SPATA24: variants seen among roughly 807,000 people sequenced by gnomAD.
The protein encoded by SPATA24 is spermatogenesis-associated protein 24.
Under a neutral mutation model 28.9 loss-of-function variants are expected in SPATA24, and 21 were observed. That is an observed-to-expected ratio of 0.73 (90% CI 0.52 to 1.05). The LOEUF (loss-of-function observed/expected upper bound fraction) is 1.05. SPATA24 is among the 50% of genes least tolerant of loss of function. The pLI is 0.00. For missense variants in SPATA24, 215 were observed against 242.9 expected (o/e 0.88, Z 0.76); for synonymous variants, 76 against 89.9 (o/e 0.85, Z 0.88).
downstream of SPATA24, chr5:139,392,859 C>G: frequency 6.5e-7 from 1 of 1,543,004 alleles, no homozygotes; most frequent in Non-Finnish European, 8.7e-7. This position sits in a 1 kb window ranked among gnomAD's most constrained non-coding sequence, Gnocchi z 5.8. Flanking sequence ...GCCGGCGACC[C>G]AAGGCCAGGG....
At chr5:139,396,289 T>C (rs983395968), downstream of SPATA24, 6 of 985,306 alleles carry the variant, frequency 6.1e-6, no homozygotes, top group Non-Finnish European at 7.2e-6. Context: ...CTTGTGCAAA[T>C]TGAGGTCCCT....
intron 4 of SPATA24, among the ~76,000 whole-genome samples, chr5:139,398,776 C>T (rs1241459302): frequency 6.9e-6 from 1 of 144,922 alleles, no homozygotes; most frequent in Admixed American, 6.9e-5. Flanking sequence ...GTAATCCCAG[C>T]ACTTTGGGAG....
At position 139,401,742 on chromosome 5, in the gene SPATA24, GCCTCCCGCC is replaced by G; in HGVS notation, c.385+4_385+12del. On this transcript the variant is annotated splice_donor_5th_base_variant and intron_variant, in intron 4 of 5. Coordinates refer to ENST00000450845, the MANE Select transcript of SPATA24 (RefSeq NM_194296.2). ...TATATAACCGTGGTGGAGAGCACGG[GCCTCCCGCC>G]TACCATTGCACTTGGTGATGAGCTG... The G allele has an allele frequency of 6.4e-7, 1 of 1,551,522 alleles. No homozygotes were observed. Among genetic ancestry groups the G allele is most frequent in the Non-Finnish European group, 8.7e-7 (1 of 1,146,868 alleles).
chr5:139,392,591 C>T, downstream of SPATA24: 1 of 1,365,300 alleles, frequency 7.3e-7, no homozygotes. This position sits in a 1 kb window ranked among gnomAD's most constrained non-coding sequence, Gnocchi z 5.8. Flanking sequence ...GGCGCCTGGA[C>T]GGCAGCCGCG....
rs183526939 is a variant in SPATA24 at position 139,396,865 on chromosome 5, G to C, written c.553C>G (p.Gln185Glu). Residue 185 changes from glutamine (Q) to glutamate (E), a missense_variant, in exon 6 of 6, where the codon CAG (glutamine) becomes GAG (glutamate). By Grantham distance (29) the Gln-to-Glu change is conservative (BLOSUM62 2). Transcript: ENST00000450845. ...QESYMAQVLD[Q>E]KHKKASGTRQ... ...GTCCCTGAGGCTTTCTTATGCTTCT[G>C]GTCCAGCACCTGGGCCATGTAGCTC... The C allele has an allele frequency of 6.4e-7, 1 of 1,551,720 alleles. No homozygotes were observed. The highest frequency in any genetic ancestry group is 1.2e-5 in the South Asian group (1 of 84,066).
At chr5:139,401,438 C>T in intron 4 of SPATA24, 1 of 607,388 alleles carries the variant, frequency 1.6e-6, no homozygotes, top group Admixed American at 2.9e-5. Context: ...CTGTGTTCCT[C>T]TTGTATCAGT....
intron 1 of SPATA24, 112 bp from the exon 2 acceptor site, chr5:139,402,805 G>A: frequency 2.6e-6 from 2 of 771,774 alleles, no homozygotes; most frequent in Non-Finnish European, 4.4e-6. Flanking sequence ...CCTAGGATGA[G>A]ACTGAGGCCT....
downstream of SPATA24, chr5:139,394,185 T>C: frequency 6.5e-7 from 1 of 1,546,696 alleles, no homozygotes; most frequent in South Asian, 1.2e-5. Context: ...GTACGCGAAG[T>C]GGCCGAGACT....
downstream of SPATA24, chr5:139,394,513 T>C (rs1457998613): frequency 2.8e-6 from 4 of 1,448,034 alleles, no homozygotes; most frequent in Admixed American, 2.7e-5. Flanking sequence ...CAGAGCCACC[T>C]CCACACACTC....
At chr5:139,401,695 G>A (rs1055738362) in intron 4 of SPATA24, 60 bp downstream of exon 4, 2 of 1,502,566 alleles carry the variant, frequency 1.3e-6, no homozygotes, top group Admixed American at 3.9e-5. Context: ...ACAGGCACTG[G>A]GTGGTTAGGA....
chr5:139,400,981 A>C (rs986235703), intron 4 of SPATA24, among the ~76,000 whole-genome samples: 3 of 151,740 alleles, frequency 2.0e-5, no homozygotes, highest in African/African-American at 4.8e-5. Context: ...ACATGGTGAA[A>C]CCTCATCTCT....
chr5:139,393,060 G>T (rs748223567), downstream of SPATA24: 2 of 1,529,954 alleles, frequency 1.3e-6, no homozygotes, highest in Non-Finnish European at 1.8e-6. Context: ...GAGCCGGGGC[G>T]GGGGGCCCCA....
chr5:139,402,769 C>A, intron 1 of SPATA24, 76 bp from the exon 2 acceptor site: 1 of 1,113,430 alleles, frequency 9.0e-7, no homozygotes, highest in Non-Finnish European at 1.3e-6. Context: ...GGACCAAAAG[C>A]GGATAACAGG....
At chr5:139,393,638 G>C (rs1001114950), downstream of SPATA24, 1 of 1,550,226 alleles carries the variant, frequency 6.5e-7, no homozygotes, top group African/African-American at 1.4e-5. Context: ...GCCGAATGTG[G>C]AATCTCCCAC....
downstream of SPATA24, chr5:139,393,831 C>T: frequency 6.4e-7 from 1 of 1,551,388 alleles, no homozygotes; most frequent in South Asian, 1.2e-5. Flanking sequence ...TCCGATCCCA[C>T]GGGGACAGGT....
chr5:139,393,915 C>A (rs1390871944), downstream of SPATA24: 1 of 1,551,006 alleles, frequency 6.4e-7, no homozygotes, highest in Non-Finnish European at 8.7e-7. Flanking sequence ...GGCTCCTTGG[C>A]CTCACAGCCC....
At chr5:139,392,614 G>A (rs1290194625), downstream of SPATA24, 3 of 1,378,260 alleles carry the variant, frequency 2.2e-6, no homozygotes, top group African/African-American at 3.1e-5. This position sits in a 1 kb window ranked among gnomAD's most constrained non-coding sequence, Gnocchi z 5.8. Flanking sequence ...CTCGGGGGCC[G>A]TAGGTGGTGT....
At chr5:139,394,412 C>T (rs986120679), downstream of SPATA24, 20 of 1,388,172 alleles carry the variant, frequency 1.4e-5, no homozygotes, top group Non-Finnish European at 1.9e-5. Context: ...CGCGGCGCGC[C>T]GGCCGCCCTT....
chr5:139,393,063 G>A (rs1228915323), downstream of SPATA24: 3 of 1,530,464 alleles, frequency 2.0e-6, no homozygotes, highest in Admixed American at 2.1e-5. Context: ...CCGGGGCGGG[G>A]GGCCCCAGTG....
Sources: gnomAD v4.1 joint callset for allele counts (sites outside exome capture counted in the v4.1 genomes callset) on GRCh38, gnomAD v4.1.1 for gene constraint, Gnocchi (gnomAD v3.1) non-coding constraint, MANE v1.5 for transcripts, NCBI Gene and HGNC (gene_info 2026-07-23, HGNC 2026-07-21) for gene names.